Variants in SLC71A1 observed in about 807,000 individuals in gnomAD.
The protein encoded by SLC71A1 is hippocampus abundant gene transcript 1.
the SLC71A1 span, among the ~76,000 whole-genome samples, chr1:100,039,024 C>T: frequency 6.6e-6 from 1 of 152,134 alleles, no homozygotes; most frequent in African/African-American, 2.4e-5. Context: ...GCCTAAGGAT[C>T]GGAGGAGGAC....
chr1:100,059,932 G>A, the SLC71A1 span: 7 of 1,612,406 alleles, frequency 4.3e-6, no homozygotes, highest in African/African-American at 9.4e-5. Context: ...TGATGTTTGG[G>A]GCCGAAAATC....
chr1:100,044,730 C>G, the SLC71A1 span, among the ~76,000 whole-genome samples: 2 of 152,058 alleles, frequency 1.3e-5, no homozygotes, highest in Admixed American at 1.3e-4. Flanking sequence ...GTTGGCCAGG[C>G]TGGACTCAAA....
At chr1:100,068,134 A>G in the SLC71A1 span, 1 of 1,614,188 alleles carries the variant, frequency 6.2e-7, no homozygotes, top group Non-Finnish European at 8.5e-7. Context: ...TCGTTGCCTG[A>G]GAAAATGCGG....
chr1:100,078,155 T>C, the SLC71A1 span, among the ~76,000 whole-genome samples: 3 of 152,208 alleles, frequency 2.0e-5, no homozygotes, highest in Admixed American at 6.5e-5. Flanking sequence ...TATTATACAT[T>C]ATCCTCAATA....
chr1:100,038,463 C>G, the SLC71A1 span: 7 of 692,858 alleles, frequency 1.0e-5, no homozygotes, highest in East Asian at 1.1e-4. Flanking sequence ...GGGTCGCGGA[C>G]CCGCATGCCG....
At chr1:100,050,581 C>A in the SLC71A1 span, among the ~76,000 whole-genome samples, 1 of 151,942 alleles carries the variant, frequency 6.6e-6, no homozygotes, top group African/African-American at 2.4e-5. Flanking sequence ...AATATCTATA[C>A]CATCTTGAAA....
chr1:100,044,177 C>G, the SLC71A1 span, among the ~76,000 whole-genome samples: 9 of 152,252 alleles, frequency 5.9e-5, no homozygotes, highest in African/African-American at 1.9e-4. Flanking sequence ...ACAGCAGTGT[C>G]AAAGTGTTCA....
the SLC71A1 span, chr1:100,059,840 G>C: frequency 1.3e-6 from 2 of 1,561,058 alleles, no homozygotes; most frequent in East Asian, 4.6e-5. Flanking sequence ...CATGCTCATA[G>C]ATGTGTGGTA....
At chr1:100,059,578 TAC>T in the SLC71A1 span, among the ~76,000 whole-genome samples, 1 of 151,496 alleles carries the variant, frequency 6.6e-6, no homozygotes, top group African/African-American at 2.4e-5. Flanking sequence ...CACATACATA[TAC>T]ACACACATAC....
At chr1:100,039,317 G>A in the SLC71A1 span, among the ~76,000 whole-genome samples, 1 of 152,116 alleles carries the variant, frequency 6.6e-6, no homozygotes, top group Non-Finnish European at 1.5e-5. Flanking sequence ...ATATCTTATT[G>A]GAGCCGCGAT....
chr1:100,065,606 CCCTTT>C, the SLC71A1 span, among the ~76,000 whole-genome samples: 13 of 146,628 alleles, frequency 8.9e-5, no homozygotes, highest in Non-Finnish European at 1.9e-4. Context: ...TTCCCCTTTT[CCCTTT>C]CCTTTCCCCT....
the SLC71A1 span, among the ~76,000 whole-genome samples, chr1:100,051,085 C>CAA: frequency 2.2e-4 from 19 of 86,484 alleles, no homozygotes; most frequent in African/African-American, 4.0e-4. Context: ...AACCTTGTCT[C>CAA]AAAAAAAAAA....
chr1:100,071,289 C>CAAAAAAAAAAAAAAAAAAAAA, the SLC71A1 span, among the ~76,000 whole-genome samples: 17 of 53,340 alleles, frequency 3.2e-4, 1 homozygote, highest in Non-Finnish European at 3.8e-4. Flanking sequence ...CCATCTCTAC[C>CAAAAAAAAAAAAAAAAAAAAA]AAAAAAAAAA....
chr1:100,044,492 T>C, the SLC71A1 span, among the ~76,000 whole-genome samples: 2 of 151,670 alleles, frequency 1.3e-5, no homozygotes, highest in African/African-American at 4.9e-5. Context: ...ACTGTATGGG[T>C]TGTCTGTTTA....
chr1:100,074,573 C>T, the SLC71A1 span, among the ~76,000 whole-genome samples: 8 of 151,532 alleles, frequency 5.3e-5, no homozygotes, highest in Non-Finnish European at 1.2e-4. Context: ...GAGCGAAACT[C>T]CATCTCGGGG....
the SLC71A1 span, among the ~76,000 whole-genome samples, chr1:100,045,424 A>G: frequency 6.6e-6 from 1 of 152,174 alleles, no homozygotes; most frequent in Non-Finnish European, 1.5e-5. Flanking sequence ...CTAGGTATAC[A>G]GTCATATCAT....
chr1:100,059,170 T>G, the SLC71A1 span, among the ~76,000 whole-genome samples: 1 of 137,476 alleles, frequency 7.3e-6, no homozygotes, highest in African/African-American at 2.8e-5. Context: ...TTTTTTTTTT[T>G]TGAGACAGAG....
At chr1:100,081,879 AT>A in the SLC71A1 span, 1 of 708,124 alleles carries the variant, frequency 1.4e-6, no homozygotes, top group Non-Finnish European at 2.4e-6. Context: ...TTTTATAATT[AT>A]GGCTTTAATA....
At chr1:100,039,020 G>A in the SLC71A1 span, among the ~76,000 whole-genome samples, 1 of 152,228 alleles carries the variant, frequency 6.6e-6, no homozygotes, top group Admixed American at 6.5e-5. Context: ...CATGGCCTAA[G>A]GATCGGAGGA....
Sources: allele counts gnomAD v4.1 joint callset (sites outside exome capture counted in the v4.1 genomes callset), GRCh38; gene constraint gnomAD v4.1.1; transcripts MANE v1.5; gene names NCBI Gene and HGNC (gene_info 2026-07-23, HGNC 2026-07-21).